Variants in ZNF385D observed in about 807,000 individuals in gnomAD.
The protein encoded by ZNF385D is zinc finger protein 659.
In ZNF385D, 15 loss-of-function variants were observed where a neutral mutation model predicts 35.8. The observed-to-expected ratio is 0.42, with a 90% CI of 0.28 to 0.64. The LOEUF (loss-of-function observed/expected upper bound fraction) is 0.64. ZNF385D is among the 30% of genes least tolerant of loss of function. The pLI is 0.23. For synonymous variants in ZNF385D, 212 were observed against 186.8 expected, an observed-to-expected ratio of 1.13 and a Z score of -1.10; for missense variants, 474 against 494.6, an observed-to-expected ratio of 0.96 and a Z score of 0.39.
intron 2 of ZNF385D, among the ~76,000 whole-genome samples, chr3:22,208,663 C>G (rs1697314549): frequency 6.6e-6 from 1 of 151,478 alleles, no homozygotes; most frequent in Non-Finnish European, 1.5e-5. Context: ...ATCAAAATAT[C>G]TTATGTACCC....
chr3:21,490,922 C>T (rs943477931), intron 4 of ZNF385D, among the ~76,000 whole-genome samples: 2 of 122,120 alleles, frequency 1.6e-5, no homozygotes, highest in Non-Finnish European at 3.3e-5. Context: ...AGCTGGTCAT[C>T]GGCTGAATTT....
chr3:22,224,188 G>A (rs1218787672), intron 2 of ZNF385D, among the ~76,000 whole-genome samples: 2 of 152,154 alleles, frequency 1.3e-5, no homozygotes, highest in African/African-American at 4.8e-5. Context: ...AAGTATAAAT[G>A]AATTCAGTAC....
chr3:22,139,375 A>T (rs1312906766), intron 3 of ZNF385D, among the ~76,000 whole-genome samples: 3 of 152,188 alleles, frequency 2.0e-5, no homozygotes, highest in Non-Finnish European at 2.9e-5. Context: ...CAAATGTCCA[A>T]CAATGATAGA....
intron 2 of ZNF385D, among the ~76,000 whole-genome samples, chr3:22,206,748 T>C (rs1559452121): frequency 6.6e-6 from 1 of 151,786 alleles, no homozygotes; most frequent in Admixed American, 6.6e-5. Flanking sequence ...GAACACAATA[T>C]ACCAAAACCT....
chr3:22,359,314 A>T (rs1372039037), intron 2 of ZNF385D, among the ~76,000 whole-genome samples: 1 of 151,816 alleles, frequency 6.6e-6, no homozygotes, highest in Non-Finnish European at 1.5e-5. Context: ...TGTAGAATCC[A>T]GTATCACCTA....
At chr3:22,207,993 G>C (rs1697266733) in intron 2 of ZNF385D, among the ~76,000 whole-genome samples, 1 of 151,878 alleles carries the variant, frequency 6.6e-6, no homozygotes, top group African/African-American at 2.4e-5. Context: ...ATGTAAATTA[G>C]TATAGCCAAT....
chr3:21,841,125 G>C (rs1695645744), intron 3 of ZNF385D, among the ~76,000 whole-genome samples: 1 of 152,156 alleles, frequency 6.6e-6, no homozygotes, highest in Non-Finnish European at 1.5e-5. Context: ...TCAGAGCAAT[G>C]ATGGCACCTA....
chr3:21,871,737 G>A (rs2336057), intron 3 of ZNF385D, among the ~76,000 whole-genome samples: 5,431 of 152,150 alleles, frequency 0.036, 321 homozygotes, highest in African/African-American at 0.12. Context: ...CGGGCGCAGT[G>A]GCTCACACCT....
chr3:22,292,478 G>C (rs1249148278), intron 2 of ZNF385D, among the ~76,000 whole-genome samples: 1 of 151,998 alleles, frequency 6.6e-6, no homozygotes, highest in Admixed American at 6.6e-5. Flanking sequence ...TTTTACAGGG[G>C]ATAGTACTTG....
At chr3:22,012,613 G>C (rs1419492680) in intron 3 of ZNF385D, among the ~76,000 whole-genome samples, 2 of 152,148 alleles carry the variant, frequency 1.3e-5, no homozygotes, top group East Asian at 3.9e-4. Context: ...TAACTAATGA[G>C]ATAGGAATGT....
chr3:21,846,681 G>C (rs1696025834), intron 3 of ZNF385D, among the ~76,000 whole-genome samples: 1 of 151,954 alleles, frequency 6.6e-6, no homozygotes, highest in African/African-American at 2.4e-5. Flanking sequence ...TCCAGAGTCT[G>C]ATTCCTAGGA....
intron 3 of ZNF385D, among the ~76,000 whole-genome samples, chr3:22,102,739 G>C (rs978382628): frequency 6.6e-6 from 1 of 152,006 alleles, no homozygotes; most frequent in Admixed American, 6.6e-5. Flanking sequence ...ATCCCCACTA[G>C]CTACAAGATT....
intron 3 of ZNF385D, among the ~76,000 whole-genome samples, chr3:22,061,583 A>T (rs184662391): frequency 1.3e-5 from 2 of 152,194 alleles, no homozygotes; most frequent in Admixed American, 6.5e-5. Flanking sequence ...AAGACTCAGG[A>T]TCTGATCCTC....
At chr3:21,471,580 A>G in intron 4 of ZNF385D, among the ~76,000 whole-genome samples, 1 of 152,160 alleles carries the variant, frequency 6.6e-6, no homozygotes, top group East Asian at 1.9e-4. Context: ...TTAATCCATT[A>G]TACAAAATCT....
chr3:21,822,494 G>T (rs563939791), intron 3 of ZNF385D, among the ~76,000 whole-genome samples: 1 of 152,050 alleles, frequency 6.6e-6, no homozygotes. Flanking sequence ...ATGTAAAATC[G>T]TACAACAATT....
chr3:21,736,282 G>A lies in ZNF385D; in HGVS notation c.22+14613C>T, dbSNP rs564668505. 3.3e-5 allele frequency among the ~76,000 whole-genome samples: 5 copies of A among 152,262 alleles called. 1 individual carries two copies. In the South Asian group the frequency reaches 1.0e-3, roughly 32 times the overall value. ...GAAATTTTGTTTCCTTGATAAAGGT[G>A]ACATCTTCCTTTTTTTACCATAAAG... On this transcript the variant is annotated intron_variant, in intron 1 of 7. Coordinates refer to ENST00000281523, the MANE Select transcript of ZNF385D (RefSeq NM_024697.3).
At chr3:21,940,500 A>G (rs1411653941) in intron 3 of ZNF385D, among the ~76,000 whole-genome samples, 1 of 152,222 alleles carries the variant, frequency 6.6e-6, no homozygotes, top group Non-Finnish European at 1.5e-5. Context: ...AGTTCGTTCA[A>G]CATTCAAGTC....
intron 3 of ZNF385D, among the ~76,000 whole-genome samples, chr3:22,066,918 T>A (rs1187169897): frequency 2.0e-5 from 3 of 152,204 alleles, no homozygotes; most frequent in Non-Finnish European, 4.4e-5. Flanking sequence ...ATGATGCCTA[T>A]AATCAGAAGT....
At chr3:22,312,989 C>T (rs1490518644) in intron 2 of ZNF385D, among the ~76,000 whole-genome samples, 3 of 150,792 alleles carry the variant, frequency 2.0e-5, no homozygotes, top group Non-Finnish European at 4.4e-5. Context: ...ATAGCAAAGA[C>T]TTGGAACCAA....
Sources: gnomAD v4.1 joint callset for allele counts (sites outside exome capture counted in the v4.1 genomes callset) on GRCh38, gnomAD v4.1.1 for gene constraint, MANE v1.5 for transcripts, NCBI Gene and HGNC (gene_info 2026-07-23, HGNC 2026-07-21) for gene names.